ROCK1: variants seen among roughly 807,000 people sequenced by gnomAD.
ROCK1 encodes the protein Rho associated coiled-coil containing protein kinase 1.
A neutral mutation model predicts 196.8 loss-of-function variants in ROCK1; 36 were observed. That is an observed-to-expected ratio of 0.18 (90% CI 0.14 to 0.24). ROCK1 has a LOEUF of 0.24. Among genes scored for constraint, ROCK1 ranks in the 10% least tolerant of loss-of-function variants. The pLI, the probability that ROCK1 is intolerant of heterozygous loss-of-function variation, is 1.00. For synonymous variants in ROCK1, 443 were observed against 515.9 expected (o/e 0.86, Z 1.91); for missense variants, 920 against 1,562.0 (o/e 0.59, Z 6.93).
In ROCK1 at chr18:20,950,887, A is replaced by G. The variant is rs983146060; in HGVS notation, c.*497T>C. The G allele has an allele frequency of 6.6e-6, 1 of 152,630 alleles. No individual in the cohort carries two copies. Among genetic ancestry groups the G allele is most frequent in the African/African-American group, 2.4e-5 (1 of 41,508 alleles). 9.5% of individuals were successfully genotyped at this position (152,630 alleles called of 1,614,324 possible). ...CAAGTGATATCACTGCTTTCTTAAA[A>G]TAGTTTTGTATAGTCTTGCAAGAGC... On this transcript the variant is annotated 3_prime_UTR_variant, in exon 33 of 33. Transcript: ENST00000399799.
intron 9 of ROCK1, among the ~76,000 whole-genome samples, chr18:21,031,692 T>A (rs1339015980): frequency 1.3e-5 from 2 of 150,532 alleles, no homozygotes; most frequent in African/African-American, 4.9e-5. Flanking sequence ...AATCTTAAAC[T>A]CTCTTAAATG....
chr18:21,054,257 T>C (rs1444378436), intron 2 of ROCK1, among the ~76,000 whole-genome samples: 1 of 152,220 alleles, frequency 6.6e-6, no homozygotes, highest in Non-Finnish European at 1.5e-5. Context: ...ATCTCTAGTC[T>C]AGTCTCTCTT....
Position 20,992,868 on chromosome 18 carries a change from C to G in ROCK1, c.1955G>C (p.Arg652Thr). The change falls in exon 17 of 33, where the codon AGA (arginine) becomes ACA (threonine). Residue 652 changes from arginine (R) to threonine (T), a missense_variant. Transcript: ENST00000399799. ...KHNLEKVEGE[R>T]KEAQDMLNHS... ...ATTAAGCATGTCTTGAGCCTCTTTT[C>G]TTTCTCCTTCCACTTTTTCGAGATT... The G allele has an allele frequency of 1.2e-6, 2 of 1,611,484 alleles. No individual in the cohort carries two copies. Among genetic ancestry groups the G allele is most frequent in the Non-Finnish European group, 1.7e-6 (2 of 1,178,094 alleles).
intron 25 of ROCK1, 86 bp from the exon 26 acceptor site, chr18:20,968,026 A>C (rs1197022736): frequency 8.3e-7 from 1 of 1,207,702 alleles, no homozygotes; most frequent in Non-Finnish European, 1.1e-6. Flanking sequence ...ATCAGGAAGC[A>C]GGACTTTCTG....
At chr18:20,968,935 A>G (rs2035400199) in intron 24 of ROCK1, 75 bp from the exon 25 acceptor site, 8 of 1,035,212 alleles carry the variant, frequency 7.7e-6, no homozygotes, top group Non-Finnish European at 6.0e-6. Flanking sequence ...CAATGTCTTT[A>G]ATTATTCAAA....
At chr18:20,992,800 TATA>T (rs762045938) in intron 17 of ROCK1, 28 bp downstream of exon 17, 4 of 1,216,634 alleles carry the variant, frequency 3.3e-6, no homozygotes, top group Non-Finnish European at 4.8e-6. Flanking sequence ...ATTACTATTT[TATA>T]ATAATTGGTA....
chr18:21,070,680 GAATAA>G (rs753188804), intron 1 of ROCK1, 67 bp from the exon 2 acceptor site: 23 of 954,710 alleles, frequency 2.4e-5, no homozygotes, highest in Non-Finnish European at 3.6e-5. Flanking sequence ...TTTTATGAAA[GAATAA>G]AATATACGCT....
At chr18:21,083,688 G>C (rs2036501099) in intron 1 of ROCK1, among the ~76,000 whole-genome samples, 1 of 152,052 alleles carries the variant, frequency 6.6e-6, no homozygotes, top group South Asian at 2.1e-4. Context: ...TATGATTTTA[G>C]TAATATTTTC....
Position 21,015,488 on chromosome 18 carries a change from A to C in ROCK1, c.1362-9T>G. 1 of 1,513,914 alleles carries C rather than the reference A, an allele frequency of 6.6e-7. No homozygotes were observed. The highest frequency in any genetic ancestry group is 9.1e-7 in the Non-Finnish European group (1 of 1,094,426). 93.8% of individuals were successfully genotyped at this position (1,513,914 alleles called of 1,614,324 possible). A position where few individuals can be genotyped will look rare whatever the true frequency, so the allele number is the denominator to read the frequency against. ...GTTTTATGTTTGAGGTTCTGTAAAA[A>C]CAAAAGCAATACAGATTAGAAATAT... On this transcript the variant is annotated splice_polypyrimidine_tract_variant and intron_variant, in intron 12 of 32. Coordinates refer to ENST00000399799, the MANE Select transcript of ROCK1 (RefSeq NM_005406.3).
chr18:20,986,894 C>T, intron 19 of ROCK1, 56 bp downstream of exon 19: 3 of 1,445,410 alleles, frequency 2.1e-6, no homozygotes, highest in East Asian at 2.3e-5. Flanking sequence ...CCAGTCATAA[C>T]TTATATAACC....
chr18:20,983,952 A>G (rs2035555928), intron 20 of ROCK1, among the ~76,000 whole-genome samples: 1 of 152,218 alleles, frequency 6.6e-6, no homozygotes, highest in Non-Finnish European at 1.5e-5. Context: ...ATAAGGAGGC[A>G]TATCACATCC....
chr18:21,049,798 T>G lies in ROCK1; in HGVS notation c.258A>C (p.Ala86=). 1 of 1,600,666 alleles carries G rather than the reference T, an allele frequency of 6.2e-7. No homozygotes were observed. Among genetic ancestry groups the G allele is most frequent in the Non-Finnish European group, 8.5e-7 (1 of 1,171,854 alleles). ...AACCTACCAATTGAACTTCTCCAAA[T>G]GCACCTCTACCAATCACCTTCACTA... is the stretch of plus-strand genomic sequence containing the variant. ...YEVVKVIGRG[A]FGEVQLVRHK... is the part of the protein sequence containing the mutation. The change falls in exon 3 of 33, where the codon GCA becomes GCC. Residue 86 remains alanine (A), a synonymous_variant. Coordinates refer to ENST00000399799, the MANE Select transcript of ROCK1 (RefSeq NM_005406.3).
At chr18:21,099,365 AG>A (rs1426079721) in intron 1 of ROCK1, among the ~76,000 whole-genome samples, 2 of 152,244 alleles carry the variant, frequency 1.3e-5, no homozygotes, top group Non-Finnish European at 2.9e-5. Flanking sequence ...ATCAAAAAAA[AG>A]AGTAAAGGGA....
At chr18:21,083,451 T>G (rs1204823288) in intron 1 of ROCK1, among the ~76,000 whole-genome samples, 4 of 152,174 alleles carry the variant, frequency 2.6e-5, no homozygotes, top group African/African-American at 9.7e-5. Context: ...ACCAAAATGG[T>G]GTACTGCTGG....
chr18:21,021,142 G>T (rs1270304164), intron 11 of ROCK1, among the ~76,000 whole-genome samples: 1 of 152,214 alleles, frequency 6.6e-6, no homozygotes, highest in African/African-American at 2.4e-5. Flanking sequence ...TGACCAAACC[G>T]ACTGGAAGTT....
In ROCK1 at chr18:21,054,357, G is replaced by A. The variant is rs149725332; in HGVS notation, c.176-4477C>T. On this transcript the variant is annotated intron_variant, in intron 2 of 32. Transcript: ENST00000399799. Reference sequence around the variant, plus strand: ...AATCATGAAAAAATACAAAAAACATGCTTAGTTCATGAGCCACAGTGGTGG... The same window carrying A: ...AATCATGAAAAAATACAAAAAACATACTTAGTTCATGAGCCACAGTGGTGG... 3.8e-4 allele frequency among the ~76,000 whole-genome samples: 57 copies of A among 151,812 alleles called. No homozygotes were observed. The East Asian group carries it at 0.011, about 29-fold the overall frequency.
At chr18:21,040,178 T>C (rs893101926) in intron 8 of ROCK1, among the ~76,000 whole-genome samples, 2 of 152,248 alleles carry the variant, frequency 1.3e-5, no homozygotes, top group Non-Finnish European at 2.9e-5. Flanking sequence ...ACCATGCATT[T>C]TCTTGACAGT....
At chr18:21,097,983 C>A (rs182251922) in intron 1 of ROCK1, among the ~76,000 whole-genome samples, 159 of 152,358 alleles carry the variant, frequency 1.0e-3, no homozygotes, top group African/African-American at 3.6e-3. Context: ...TAGGCATCAT[C>A]ATCCCATTTC....
chr18:21,001,017 TTC>T (rs1445727690), intron 16 of ROCK1, among the ~76,000 whole-genome samples: 1 of 152,220 alleles, frequency 6.6e-6, no homozygotes, highest in Non-Finnish European at 1.5e-5. Context: ...CACAGTAATA[TTC>T]TGTTATATGT....
Sources: gnomAD v4.1 joint callset for allele counts (sites outside exome capture counted in the v4.1 genomes callset) on GRCh38, gnomAD v4.1.1 for gene constraint, MANE v1.5 for transcripts, NCBI Gene and HGNC (gene_info 2026-07-23, HGNC 2026-07-21) for gene names.